AGAP1: variants seen among roughly 807,000 people sequenced by gnomAD.
The protein encoded by AGAP1 is arf-GAP with GTPase, ANK repeat and PH domain-containing protein 1.
Under a neutral mutation model 105.3 loss-of-function variants are expected in AGAP1, and 29 were observed. That is an observed-to-expected ratio of 0.28 (90% CI 0.21 to 0.38). The LOEUF is 0.38. Among genes scored for constraint, AGAP1 ranks in the 10% least tolerant of loss-of-function variants. The probability of loss-of-function intolerance (pLI) is 1.00; values close to 1 mark genes in which losing one functional copy is unlikely to be tolerated. For synonymous variants in AGAP1, 509 were observed against 485.9 expected (o/e 1.05, Z -0.63); for missense variants, 998 against 1,165.1 (o/e 0.86, Z 2.09).
At chr2:235,954,577 GTGAA>G (rs1365751653) in intron 12 of AGAP1, among the ~76,000 whole-genome samples, 3 of 149,738 alleles carry the variant, frequency 2.0e-5, no homozygotes, top group Non-Finnish European at 4.4e-5. Context: ...TTTTAACTGT[GTGAA>G]TGATAATTGT....
rs150848716 is a variant in AGAP1, at chr2:235,718,593, A to C, written c.310+949A>C. On this transcript the variant is annotated intron_variant, in intron 3 of 17. Transcript: ENST00000304032. ...TTTAGCAGTAGTCCCAAGCAGCTTC[A>C]CCTGTTCCCTGTAACACCTGTCCTA... 8.5e-4 allele frequency among the ~76,000 whole-genome samples: 129 copies of C among 152,246 alleles called. 3 individuals carry two copies. In the East Asian group the frequency reaches 0.02, roughly 24 times the overall value.
Position 235,741,129 on chromosome 2 carries a change from C to T in AGAP1, c.396+81C>T, listed in dbSNP as rs746667798. 6 of 1,246,334 alleles carry T rather than the reference C, an allele frequency of 4.8e-6. No homozygotes were observed. The highest frequency in any genetic ancestry group is 5.2e-5 in the East Asian group (2 of 38,464). The allele number at this position is 1,246,334 out of a possible 1,614,324, so 77.2% of individuals were successfully genotyped here. On this transcript the variant is annotated intron_variant, in intron 4 of 17. Transcript: ENST00000304032. This position sits in a 1 kb window ranked among gnomAD's most constrained non-coding sequence, Gnocchi z 4.9. ...TGATTCAAGAAGTGCTTCTAGAAAT[C>T]GGTGACTTGGTTTCCAAAAAAGTGG...
At chr2:235,495,010 G>A (rs1941250379) in intron 1 of AGAP1, among the ~76,000 whole-genome samples, 161 bp downstream of exon 1, 1 of 151,964 alleles carries the variant, frequency 6.6e-6, no homozygotes. Flanking sequence ...AAGGCCGGGC[G>A]AGCGTCGCCT....
intron 1 of AGAP1, among the ~76,000 whole-genome samples, chr2:235,668,211 G>C (rs150160926): frequency 1.9e-3 from 287 of 152,270 alleles, no homozygotes; most frequent in African/African-American, 6.3e-3. Flanking sequence ...GAATCACCTA[G>C]CAGTCACTCT....
Position 235,503,362 on chromosome 2 carries a change from C to T in AGAP1, c.163+8513C>T, listed in dbSNP as rs115506520. Among the ~76,000 whole-genome samples, 642 of 152,222 alleles carry T rather than the reference C, an allele frequency of 4.2e-3. 5 individuals carry two copies. Among genetic ancestry groups the T allele is most frequent in the African/African-American group, 0.015 (607 of 41,532 alleles). The stretch of plus-strand genomic sequence containing the variant: ...GAAGGTCTGGGGTGCTGCTGTGAGC[C>T]GGGATCGCGTATCTGCTCCTGTTCT... On this transcript the variant is annotated intron_variant, in intron 1 of 17. Coordinates refer to ENST00000304032, the MANE Select transcript of AGAP1 (RefSeq NM_001037131.3).
chr2:235,814,955 C>T (rs143472343), intron 9 of AGAP1, among the ~76,000 whole-genome samples: 1 of 152,188 alleles, frequency 6.6e-6, no homozygotes, highest in Non-Finnish European at 1.5e-5. Flanking sequence ...AGTGGATCTC[C>T]CTCCCCTTCT....
Position 236,101,865 on chromosome 2 carries a change from A to G in AGAP1, c.2115-18327A>G, listed in dbSNP as rs1258565923. ...TTTATGCTTTAAAACAGTAGTTCAC[A>G]TTTTTTCTAATGGTGAAGTACAGAA... On this transcript the variant is annotated intron_variant, in intron 16 of 17. Coordinates refer to ENST00000304032, the MANE Select transcript of AGAP1 (RefSeq NM_001037131.3). This position sits in a 1 kb window ranked among gnomAD's most constrained non-coding sequence, Gnocchi z 4.9. Among the ~76,000 whole-genome samples, 2 of 152,284 alleles carry G rather than the reference A, an allele frequency of 1.3e-5. No homozygotes were observed. Among genetic ancestry groups the G allele is most frequent in the Admixed American group, 1.3e-4 (2 of 15,308 alleles).
chr2:235,850,339 C>T (rs942927775), intron 9 of AGAP1, among the ~76,000 whole-genome samples: 3 of 152,210 alleles, frequency 2.0e-5, no homozygotes, highest in Non-Finnish European at 2.9e-5. Flanking sequence ...TACCTCTCTT[C>T]CAATCTTGCT....
rs1032957907 is a variant in AGAP1, at chr2:235,599,416, G to A, written c.163+104567G>A. Among the ~76,000 whole-genome samples the A allele has an allele frequency of 6.6e-6, 1 of 152,118 alleles. No individual in the cohort carries two copies. The highest frequency in any genetic ancestry group is 2.1e-4 in the South Asian group (1 of 4,826). On this transcript the variant is annotated intron_variant, in intron 1 of 17. Coordinates refer to ENST00000304032, the MANE Select transcript of AGAP1 (RefSeq NM_001037131.3). This position sits in a 1 kb window ranked among gnomAD's most constrained non-coding sequence, Gnocchi z 5.3. Reference sequence around the variant, plus strand: ...GGATGCTGCAGGGTGAGCTCTGGGCGACCCAGGAGGAAGTATTTGCATGAA... The same window carrying A: ...GGATGCTGCAGGGTGAGCTCTGGGCAACCCAGGAGGAAGTATTTGCATGAA...
At position 235,788,113 on chromosome 2, in the gene AGAP1, TAC is replaced by T. The variant is rs975612586; in HGVS notation, c.674-9645_674-9644del. Among the ~76,000 whole-genome samples the T allele has an allele frequency of 6.6e-6, 1 of 152,178 alleles. No homozygotes were observed. Among genetic ancestry groups the T allele is most frequent in the African/African-American group, 2.4e-5 (1 of 41,446 alleles). On this transcript the variant is annotated intron_variant, in intron 6 of 17. Coordinates refer to ENST00000304032, the MANE Select transcript of AGAP1 (RefSeq NM_001037131.3). The surrounding 1 kb of genome is among the most constrained non-coding windows in gnomAD (Gnocchi z 6.0). ...CTGACTTAACCTGATGGGTAGGACTTACTTGAGTAGGGCAGGAGGTTTTGAAA... is the reference window on the plus strand; with the variant it reads ...CTGACTTAACCTGATGGGTAGGACTTTTGAGTAGGGCAGGAGGTTTTGAAA...
Position 235,894,082 on chromosome 2 carries a change from A to G in AGAP1, c.1155+10633A>G, listed in dbSNP as rs145959584. On this transcript the variant is annotated intron_variant, in intron 10 of 17. Transcript: ENST00000304032. The stretch of plus-strand genomic sequence containing the variant: ...GCAATCCATTTAGAGGCATATGAGG[A>G]GATTGTACGGATATTAAAGAACAAA... Among the ~76,000 whole-genome samples, 116 of 152,344 alleles carry G rather than the reference A, an allele frequency of 7.6e-4. 1 individual carries two copies. Among genetic ancestry groups the G allele is most frequent in the Middle Eastern group, 6.8e-3 (2 of 294 alleles).
chr2:235,585,889 G>A (rs778213070), intron 1 of AGAP1, among the ~76,000 whole-genome samples: 2 of 152,136 alleles, frequency 1.3e-5, no homozygotes, highest in African/African-American at 2.4e-5. Context: ...CGCCTGGAGA[G>A]CACAGGTGAG....
Position 235,744,625 on chromosome 2 carries a change from C to T in AGAP1, c.397-73C>T. ...CCTGCAGCCCCCTGCTGCCTGCCGCCATGCAGACATCTCTGTTCTTAATCA... is the reference window on the plus strand; with the variant it reads ...CCTGCAGCCCCCTGCTGCCTGCCGCTATGCAGACATCTCTGTTCTTAATCA... On this transcript the variant is annotated intron_variant, in intron 4 of 17. Transcript: ENST00000304032. This position sits in a 1 kb window ranked among gnomAD's most constrained non-coding sequence, Gnocchi z 5.2. 1.3e-6 allele frequency: 2 copies of T among 1,581,846 alleles called. No homozygotes were observed. Among genetic ancestry groups the T allele is most frequent in the Non-Finnish European group, 1.7e-6 (2 of 1,155,594 alleles).
chr2:235,503,366 A>T (rs10208386), intron 1 of AGAP1, among the ~76,000 whole-genome samples: 8,759 of 152,082 alleles, frequency 0.058, 769 homozygotes, highest in African/African-American at 0.18. Flanking sequence ...GTGAGCCGGG[A>T]TCGCGTATCT....
At chr2:235,885,085 C>G (rs2050208218) in intron 10 of AGAP1, among the ~76,000 whole-genome samples, 1 of 152,160 alleles carries the variant, frequency 6.6e-6, no homozygotes, top group Non-Finnish European at 1.5e-5. Context: ...TTAGAAATAG[C>G]ATATTGAAGA....
chr2:236,071,447 G>T (rs1214919996), intron 16 of AGAP1, among the ~76,000 whole-genome samples: 1 of 152,128 alleles, frequency 6.6e-6, no homozygotes, highest in Non-Finnish European at 1.5e-5. Flanking sequence ...GGGTGGCAGG[G>T]CCTGACCCCA....
At chr2:235,915,780 G>C (rs2051849220) in intron 11 of AGAP1, among the ~76,000 whole-genome samples, 1 of 152,238 alleles carries the variant, frequency 6.6e-6, no homozygotes, top group South Asian at 2.1e-4. Flanking sequence ...CGTGGCTAAA[G>C]ACATGTTGGT....
chr2:236,022,778 G>A (rs541624682), intron 13 of AGAP1, among the ~76,000 whole-genome samples: 12 of 151,976 alleles, frequency 7.9e-5, no homozygotes, highest in Non-Finnish European at 1.6e-4. Context: ...CAAGGGATCC[G>A]CCCCCACCCC....
chr2:235,790,123 A>G (rs958606885), intron 6 of AGAP1, among the ~76,000 whole-genome samples: 5 of 152,118 alleles, frequency 3.3e-5, no homozygotes, highest in African/African-American at 1.2e-4. Flanking sequence ...AAAATGATGA[A>G]AGCCTCTTCT....
Sources: gnomAD v4.1 joint callset for allele counts (sites outside exome capture counted in the v4.1 genomes callset) on GRCh38, gnomAD v4.1.1 for gene constraint, Gnocchi (gnomAD v3.1) non-coding constraint, MANE v1.5 for transcripts, NCBI Gene and HGNC (gene_info 2026-07-23, HGNC 2026-07-21) for gene names.